The following KCNN2 variants were observed in gnomAD, a reference collection of about 807,000 sequenced individuals.
KCNN2 encodes small conductance calcium-activated potassium channel protein 2.
A neutral mutation model predicts 55.5 loss-of-function variants in KCNN2; 24 were observed. That is an observed-to-expected ratio of 0.43 (90% CI 0.31 to 0.61). The LOEUF is 0.61. Ranked by LOEUF, KCNN2 falls within the 20% of genes least tolerant of loss-of-function variation. The pLI is 0.08. For synonymous variants in KCNN2, 431 were observed against 336.1 expected, an observed-to-expected ratio of 1.28 and a Z score of -3.09; for missense variants, 754 against 853.6, an observed-to-expected ratio of 0.88 and a Z score of 1.45.
At chr5:114,470,263 T>C (rs1405032871) in intron 4 of KCNN2, among the ~76,000 whole-genome samples, 1 of 152,142 alleles carries the variant, frequency 6.6e-6, no homozygotes, top group Non-Finnish European at 1.5e-5. Flanking sequence ...GGGAGAACAA[T>C]ATTCAACTTT....
At chr5:114,213,888 T>C (rs573646104) in intron 1 of KCNN2, among the ~76,000 whole-genome samples, 200 of 152,202 alleles carry the variant, frequency 1.3e-3, no homozygotes, top group African/African-American at 4.8e-3. Context: ...TGTACTGAAC[T>C]GCTTCACAAG....
chr5:114,124,425 G>A (rs1751887312), intron 1 of KCNN2, among the ~76,000 whole-genome samples: 1 of 152,164 alleles, frequency 6.6e-6, no homozygotes, highest in Non-Finnish European at 1.5e-5. Context: ...GGAACTTGGA[G>A]AATCTTAATA....
chr5:114,450,579 G>T (rs779905509), intron 3 of KCNN2, among the ~76,000 whole-genome samples: 2 of 152,126 alleles, frequency 1.3e-5, no homozygotes, highest in Non-Finnish European at 2.9e-5. Flanking sequence ...CTCTTCAGGC[G>T]TTTTTGCCAA....
intron 1 of KCNN2, among the ~76,000 whole-genome samples, chr5:114,094,369 G>T (rs960231004): frequency 6.6e-6 from 1 of 152,178 alleles, no homozygotes; most frequent in Non-Finnish European, 1.5e-5. Context: ...TCCAAGCTGA[G>T]CATCTCAGCT....
Position 114,211,536 on chromosome 5 carries a change from A to G in KCNN2, c.-270-9944A>G, listed in dbSNP as rs189142929. Among the ~76,000 whole-genome samples the G allele has an allele frequency of 7.2e-4, 109 of 152,242 alleles. 1 individual carries two copies. Among genetic ancestry groups the G allele is most frequent in the African/African-American group, 2.6e-3 (106 of 41,566 alleles). On this transcript the variant is annotated intron_variant, in intron 1 of 10. Transcript: ENST00000512097. ...GAGAATTCATGGACACAAAGAGGGG[A>G]ACAACAGACTCTGGGACCTACCTGA...
intron 3 of KCNN2, among the ~76,000 whole-genome samples, chr5:114,431,049 A>T (rs983348721): frequency 1.3e-5 from 2 of 152,100 alleles, no homozygotes; most frequent in Admixed American, 1.3e-4. Flanking sequence ...TGATAGTCTT[A>T]CGTCCTTATA....
intron 2 of KCNN2, among the ~76,000 whole-genome samples, chr5:114,221,925 GA>G (rs1469577294): frequency 1.3e-5 from 2 of 152,044 alleles, no homozygotes. Flanking sequence ...CTTTGTTCTG[GA>G]ACAAAATACT....
intron 1 of KCNN2, among the ~76,000 whole-genome samples, chr5:114,114,997 A>G (rs948021725): frequency 6.6e-6 from 1 of 152,164 alleles, no homozygotes; most frequent in African/African-American, 2.4e-5. Context: ...TGGGATATAT[A>G]TAATGTAAAA....
chr5:114,229,941 C>T (rs904681123), intron 2 of KCNN2, among the ~76,000 whole-genome samples: 9 of 152,110 alleles, frequency 5.9e-5, no homozygotes, highest in Non-Finnish European at 1.3e-4. Flanking sequence ...CTGGAACACA[C>T]GTAACAGAAG....
chr5:114,278,449 C>T (rs1014133146), intron 2 of KCNN2, among the ~76,000 whole-genome samples: 11 of 152,236 alleles, frequency 7.2e-5, no homozygotes, highest in East Asian at 5.8e-4. Flanking sequence ...TATGCCCTGC[C>T]GCCAGAGGTT....
At chr5:114,394,234 T>A (rs1289202418) in intron 2 of KCNN2, among the ~76,000 whole-genome samples, 1 of 152,206 alleles carries the variant, frequency 6.6e-6, no homozygotes, top group Non-Finnish European at 1.5e-5. Context: ...TTTCTTCTTA[T>A]GATTGAGGTT....
At chr5:114,481,619 G>T (rs1268016100) in intron 5 of KCNN2, among the ~76,000 whole-genome samples, 2 of 152,130 alleles carry the variant, frequency 1.3e-5, no homozygotes, top group East Asian at 3.9e-4. Flanking sequence ...AAAGCTGGAG[G>T]CATCATGGTA....
chr5:114,153,481 T>C (rs1297197129), intron 1 of KCNN2, among the ~76,000 whole-genome samples: 1 of 152,112 alleles, frequency 6.6e-6, no homozygotes, highest in Non-Finnish European at 1.5e-5. Flanking sequence ...GATACCTCCC[T>C]GGTCAGAGAC....
intron 1 of KCNN2, among the ~76,000 whole-genome samples, chr5:114,122,522 A>G (rs966920994): frequency 6.6e-6 from 1 of 152,194 alleles, no homozygotes; most frequent in African/African-American, 2.4e-5. Flanking sequence ...TTAAAGATCA[A>G]ACTGCTAGTA....
chr5:114,104,458 G>A (rs1751438109), intron 1 of KCNN2, among the ~76,000 whole-genome samples: 1 of 151,978 alleles, frequency 6.6e-6, no homozygotes, highest in Admixed American at 6.6e-5. Flanking sequence ...TCTTCTGCTA[G>A]GTTTTGAATT....
chr5:114,411,775 C>A (rs1349850804), intron 3 of KCNN2, among the ~76,000 whole-genome samples: 1 of 152,196 alleles, frequency 6.6e-6, no homozygotes, highest in Non-Finnish European at 1.5e-5. Flanking sequence ...ATCTTCCTCA[C>A]TCAGTTCGCT....
At chr5:114,413,130 T>A (rs946943413) in intron 3 of KCNN2, among the ~76,000 whole-genome samples, 1 of 152,238 alleles carries the variant, frequency 6.6e-6, no homozygotes, top group Admixed American at 6.5e-5. Flanking sequence ...TCATCCTGCA[T>A]CTGTGACTTG....
At chr5:114,376,468 T>G (rs1416048290) in intron 2 of KCNN2, among the ~76,000 whole-genome samples, 2 of 152,116 alleles carry the variant, frequency 1.3e-5, no homozygotes, top group Non-Finnish European at 2.9e-5. Context: ...CCTTCAAAAC[T>G]CTAATTATGA....
intron 1 of KCNN2, among the ~76,000 whole-genome samples, chr5:114,206,230 G>A (rs559485634): frequency 6.6e-6 from 1 of 152,140 alleles, no homozygotes; most frequent in African/African-American, 2.4e-5. Context: ...CAAGCTACCT[G>A]TTACTGTGAC....
Sources: allele counts gnomAD v4.1 joint callset (sites outside exome capture counted in the v4.1 genomes callset), GRCh38; gene constraint gnomAD v4.1.1; transcripts MANE v1.5; gene names NCBI Gene and HGNC (gene_info 2026-07-23, HGNC 2026-07-21).